QTMAN: variants seen among roughly 807,000 people sequenced by gnomAD.
QTMAN encodes tRNA-queuosine alpha-mannosyltransferase.
the QTMAN span, among the ~76,000 whole-genome samples, chr2:144,015,594 CTCA>C: frequency 6.6e-6 from 1 of 152,162 alleles, no homozygotes. Flanking sequence ...TTACAATGCA[CTCA>C]TCATATTTTG....
the QTMAN span, among the ~76,000 whole-genome samples, chr2:144,138,232 G>A: frequency 6.6e-6 from 1 of 151,940 alleles, no homozygotes; most frequent in African/African-American, 2.4e-5. Context: ...AATAAGATGT[G>A]GACTACGAAC....
the QTMAN span, among the ~76,000 whole-genome samples, chr2:144,009,058 G>T: frequency 6.6e-6 from 1 of 152,048 alleles, no homozygotes; most frequent in African/African-American, 2.4e-5. Context: ...AAGGAAGCGG[G>T]ATCCTGAAGA....
chr2:144,004,796 G>A, the QTMAN span, among the ~76,000 whole-genome samples: 8 of 151,904 alleles, frequency 5.3e-5, no homozygotes, highest in Non-Finnish European at 7.4e-5. Flanking sequence ...CAACAGCTCT[G>A]GCACAATATT....
At chr2:144,113,530 GA>G in the QTMAN span, among the ~76,000 whole-genome samples, 1 of 152,124 alleles carries the variant, frequency 6.6e-6, no homozygotes, top group African/African-American at 2.4e-5. Flanking sequence ...AGGTGATGAT[GA>G]AAAAATATTC....
At chr2:144,267,875 G>T in the QTMAN span, among the ~76,000 whole-genome samples, 1 of 152,168 alleles carries the variant, frequency 6.6e-6, no homozygotes, top group East Asian at 1.9e-4. Context: ...AATAACAACT[G>T]TAGTGCTATG....
chr2:144,051,973 C>A, the QTMAN span, among the ~76,000 whole-genome samples: 8 of 152,160 alleles, frequency 5.3e-5, no homozygotes, highest in Admixed American at 5.2e-4. Context: ...TAATTAACCC[C>A]AAATTATATA....
chr2:144,318,688 G>C, the QTMAN span, among the ~76,000 whole-genome samples: 1 of 152,166 alleles, frequency 6.6e-6, no homozygotes, highest in African/African-American at 2.4e-5. Flanking sequence ...CTGAAAAATT[G>C]AATAGTATAT....
chr2:144,313,198 G>A, the QTMAN span, among the ~76,000 whole-genome samples: 3 of 152,086 alleles, frequency 2.0e-5, no homozygotes, highest in South Asian at 2.1e-4. Flanking sequence ...CAGCTCCATC[G>A]GAATGACACT....
the QTMAN span, among the ~76,000 whole-genome samples, chr2:144,175,575 A>T: frequency 1.1e-4 from 17 of 152,166 alleles, no homozygotes; most frequent in Non-Finnish European, 2.2e-4. Flanking sequence ...AAATGTTTAA[A>T]GGGCAGATAA....
chr2:144,306,989 C>T, the QTMAN span, among the ~76,000 whole-genome samples: 11 of 151,154 alleles, frequency 7.3e-5, no homozygotes, highest in Admixed American at 5.3e-4. Context: ...GTGAAACCCC[C>T]GTCTCTACTA....
chr2:144,244,855 C>T, the QTMAN span, among the ~76,000 whole-genome samples: 1 of 152,082 alleles, frequency 6.6e-6, no homozygotes, highest in Non-Finnish European at 1.5e-5. Flanking sequence ...ATATGTGATG[C>T]CACTACAGGA....
At chr2:144,284,538 C>T in the QTMAN span, among the ~76,000 whole-genome samples, 2 of 152,016 alleles carry the variant, frequency 1.3e-5, no homozygotes, top group African/African-American at 4.8e-5. Flanking sequence ...GTAATGGAAT[C>T]ATGGTGATTT....
At chr2:144,087,165 C>G in the QTMAN span, among the ~76,000 whole-genome samples, 4 of 151,932 alleles carry the variant, frequency 2.6e-5, no homozygotes, top group African/African-American at 7.2e-5. Flanking sequence ...AAATGCAAAA[C>G]AAACTAAAGG....
chr2:144,181,763 A>T, the QTMAN span, among the ~76,000 whole-genome samples: 2 of 152,260 alleles, frequency 1.3e-5, no homozygotes, highest in Admixed American at 6.5e-5. Context: ...GTGAGCTTAG[A>T]TCATGCCACT....
chr2:144,058,110 A>G, the QTMAN span, among the ~76,000 whole-genome samples: 1 of 132,364 alleles, frequency 7.6e-6, no homozygotes, highest in Non-Finnish European at 1.5e-5. Flanking sequence ...AGAAAGAAAG[A>G]ACCCCCCTCC....
the QTMAN span, among the ~76,000 whole-genome samples, chr2:144,250,518 T>C: frequency 1.3e-5 from 2 of 152,166 alleles, no homozygotes; most frequent in South Asian, 2.1e-4. Flanking sequence ...ATCATAACAG[T>C]TGATTATATC....
At chr2:144,079,314 A>T in the QTMAN span, among the ~76,000 whole-genome samples, 3 of 152,262 alleles carry the variant, frequency 2.0e-5, no homozygotes, top group East Asian at 5.8e-4. Context: ...GAAAGCCTCT[A>T]ATTATCCTAT....
At chr2:144,124,375 A>G in the QTMAN span, among the ~76,000 whole-genome samples, 1 of 152,202 alleles carries the variant, frequency 6.6e-6, no homozygotes, top group South Asian at 2.1e-4. Context: ...GTGAGTTATA[A>G]TACCTAACAT....
the QTMAN span, among the ~76,000 whole-genome samples, chr2:144,136,376 G>GAAAAGA: frequency 8.8e-6 from 1 of 113,478 alleles, no homozygotes; most frequent in Non-Finnish European, 1.7e-5. Flanking sequence ...AAAGGAAAAG[G>GAAAAGA]AAAAGGAAAA....
Sources: allele counts gnomAD v4.1 joint callset (sites outside exome capture counted in the v4.1 genomes callset), GRCh38; gene constraint gnomAD v4.1.1; transcripts MANE v1.5; gene names NCBI Gene and HGNC (gene_info 2026-07-23, HGNC 2026-07-21).